Variants in SEMA3A observed in about 807,000 individuals in gnomAD.
SEMA3A encodes the protein semaphorin-3A.
In SEMA3A, 29 loss-of-function variants were observed where a neutral mutation model predicts 97.9. The ratio of observed to expected loss-of-function variants is 0.30; its 90% CI spans 0.22 to 0.40. The LOEUF (loss-of-function observed/expected upper bound fraction) is 0.40, where lower values mean the gene tolerates loss of function less well. Among genes scored for constraint, SEMA3A ranks in the 10% least tolerant of loss-of-function variants. SEMA3A has a pLI of 1.00. For missense variants in SEMA3A, 763 were observed against 951.3 expected, an observed-to-expected ratio of 0.80 and a Z score of 2.60; for synonymous variants, 321 against 323.7, an observed-to-expected ratio of 0.99 and a Z score of 0.09.
At chr7:84,362,397 T>C (rs992813156) in intron 2 of SEMA3A, among the ~76,000 whole-genome samples, 19 of 152,150 alleles carry the variant, frequency 1.2e-4, no homozygotes, top group African/African-American at 4.6e-4. Context: ...TTTATTATCA[T>C]TATTCAGGGT....
chr7:84,241,481 G>C (rs1157762381), intron 3 of SEMA3A, among the ~76,000 whole-genome samples: 2 of 151,952 alleles, frequency 1.3e-5, no homozygotes, highest in Non-Finnish European at 2.9e-5. Context: ...ATTTGTTTAA[G>C]TTCCTTGTAG....
chr7:84,260,891 G>A (rs1000284508), intron 3 of SEMA3A, among the ~76,000 whole-genome samples: 6 of 152,220 alleles, frequency 3.9e-5, no homozygotes, highest in Non-Finnish European at 8.8e-5. Flanking sequence ...GGGACTTCCT[G>A]AAGCCTGAGG....
intron 1 of SEMA3A, among the ~76,000 whole-genome samples, chr7:84,383,169 C>T (rs1437682241): frequency 6.6e-6 from 1 of 151,900 alleles, no homozygotes; most frequent in East Asian, 1.9e-4. Context: ...TAATAATGAA[C>T]TGGAGAAAAC....
intron 12 of SEMA3A, among the ~76,000 whole-genome samples, chr7:83,990,888 G>T (rs942359018): frequency 6.6e-6 from 1 of 151,722 alleles, no homozygotes; most frequent in Non-Finnish European, 1.5e-5. Flanking sequence ...GGATGGCATT[G>T]AATCTGTAAA....
At chr7:84,013,794 C>T (rs1367234626) in intron 7 of SEMA3A, among the ~76,000 whole-genome samples, 1 of 152,140 alleles carries the variant, frequency 6.6e-6, no homozygotes, top group Non-Finnish European at 1.5e-5. Flanking sequence ...TTGCAGTGAG[C>T]TGAGATTGCA....
rs183482235 is a variant in SEMA3A at position 84,143,575 on chromosome 7, A to G, written c.113-8624T>C. ...ATGTCCATAAAGAGTGGAGGTGCAG[A>G]CTGAACACAGTGGCTCAAGCCTGTA... is the stretch of plus-strand genomic sequence containing the variant. On this transcript the variant is annotated intron_variant, in intron 1 of 16. Coordinates refer to ENST00000265362, the MANE Select transcript of SEMA3A (RefSeq NM_006080.3). Among the ~76,000 whole-genome samples, 173 of 141,544 alleles carry G rather than the reference A, an allele frequency of 1.2e-3. 1 individual carries two copies. In the East Asian group the frequency reaches 0.014, roughly 12 times the overall value. The allele number at this position is 141,544 out of a possible 152,430, so 92.9% of individuals were successfully genotyped here.
intron 2 of SEMA3A, among the ~76,000 whole-genome samples, chr7:84,369,042 T>C (rs1456247296): frequency 6.6e-6 from 1 of 150,966 alleles, no homozygotes; most frequent in Non-Finnish European, 1.5e-5. Flanking sequence ...AATTAGTATA[T>C]TGATGTTTTC....
chr7:84,151,427 G>T (rs1796665851), intron 1 of SEMA3A, among the ~76,000 whole-genome samples: 1 of 151,768 alleles, frequency 6.6e-6, no homozygotes, highest in South Asian at 2.1e-4. Context: ...CAAGGCTCGA[G>T]AACTACATGA....
chr7:84,401,147 G>T (rs999530552), intron 1 of SEMA3A, among the ~76,000 whole-genome samples: 45 of 152,068 alleles, frequency 3.0e-4, no homozygotes, highest in African/African-American at 9.9e-4. Flanking sequence ...GACTGTTATG[G>T]CTGATAAATT....
At position 84,407,031 on chromosome 7, in the gene SEMA3A, G is replaced by A. The variant is rs373261875; in HGVS notation, c.-245-35131C>T. On this transcript the variant is annotated intron_variant, in intron 1 of 3. Transcript: ENST00000424555. Reference sequence around the variant, plus strand: ...TCTCTCACCACTCCCATTCAACATAGTGTTGGAAGTTCTGGCCAGGGCAAT... The same window carrying A: ...TCTCTCACCACTCCCATTCAACATAATGTTGGAAGTTCTGGCCAGGGCAAT... 3.5e-3 allele frequency among the ~76,000 whole-genome samples: 537 copies of A among 152,272 alleles called. 4 individuals are homozygous for A. Among genetic ancestry groups the A allele is most frequent in the East Asian group, 0.032 (163 of 5,174 alleles).
At position 84,403,206 on chromosome 7, in the gene SEMA3A, C is replaced by T. The variant is rs373363869; in HGVS notation, c.-245-31306G>A. On this transcript the variant is annotated intron_variant, in intron 1 of 3. Coordinates refer to the SEMA3A transcript ENST00000424555. ...TCAGGTCACTCCCACCCTAATACTG[C>T]GCTTTTCCAACGGGCTTAACAAACG... Among the ~76,000 whole-genome samples the T allele has an allele frequency of 2.0e-3, 309 of 152,266 alleles. 2 individuals carry two copies. The highest frequency in any genetic ancestry group is 3.1e-3 in the South Asian group (15 of 4,832).
At chr7:84,077,253 T>C (rs1396316743) in intron 4 of SEMA3A, among the ~76,000 whole-genome samples, 1 of 152,120 alleles carries the variant, frequency 6.6e-6, no homozygotes, top group African/African-American at 2.4e-5. Context: ...ATGTGCATTT[T>C]AAGTCTTCTA....
intron 1 of SEMA3A, among the ~76,000 whole-genome samples, chr7:84,426,285 T>C (rs750203932): frequency 0.15 from 22,335 of 147,996 alleles, 1,968 homozygotes; most frequent in East Asian, 0.29. Context: ...GACAGATAGA[T>C]AGATAGATAG....
chr7:84,227,774 C>T (rs1799023452), intron 3 of SEMA3A, among the ~76,000 whole-genome samples: 1 of 152,020 alleles, frequency 6.6e-6, no homozygotes, highest in South Asian at 2.1e-4. Context: ...AACTCCCCCA[C>T]CAGACTATCA....
At chr7:84,240,987 T>C (rs761151873) in intron 3 of SEMA3A, among the ~76,000 whole-genome samples, 17 of 152,348 alleles carry the variant, frequency 1.1e-4, no homozygotes, top group Admixed American at 2.0e-4. Flanking sequence ...TGCCACATTT[T>C]CTTTATCCAG....
intron 13 of SEMA3A, among the ~76,000 whole-genome samples, chr7:83,982,464 C>T (rs139738928): frequency 1.8e-4 from 27 of 152,206 alleles, no homozygotes; most frequent in African/African-American, 6.5e-4. Context: ...TTTATTTAAA[C>T]ACAAAATGAA....
At chr7:84,424,614 T>C (rs1182780082) in intron 1 of SEMA3A, among the ~76,000 whole-genome samples, 1 of 45,768 alleles carries the variant, frequency 2.2e-5, no homozygotes, top group East Asian at 7.9e-4. Flanking sequence ...TAATATATAA[T>C]ATAATATATA....
At chr7:84,390,622 T>C (rs1803515870) in intron 1 of SEMA3A, among the ~76,000 whole-genome samples, 1 of 152,068 alleles carries the variant, frequency 6.6e-6, no homozygotes, top group African/African-American at 2.4e-5. Context: ...CCTCAATAAG[T>C]GACAATAAGT....
At chr7:84,489,851 A>C (rs1806674217) in intron 1 of SEMA3A, among the ~76,000 whole-genome samples, 1 of 152,132 alleles carries the variant, frequency 6.6e-6, no homozygotes, top group African/African-American at 2.4e-5. Context: ...TTAAAAAAGA[A>C]AATTTATTAG....
Sources: allele counts gnomAD v4.1 joint callset (sites outside exome capture counted in the v4.1 genomes callset), GRCh38; gene constraint gnomAD v4.1.1; transcripts MANE v1.5; gene names NCBI Gene and HGNC (gene_info 2026-07-23, HGNC 2026-07-21).